The following DPP10 variants were observed in gnomAD, a reference collection of about 807,000 sequenced individuals.
The protein encoded by DPP10 is dipeptidyl peptidase like 10.
In DPP10, 33 loss-of-function variants were observed where a neutral mutation model predicts 120.9. That is an observed-to-expected ratio of 0.27 (90% CI 0.21 to 0.37). DPP10 has a LOEUF of 0.37. Ranked by LOEUF, DPP10 falls within the 10% of genes least tolerant of loss-of-function variation. The pLI is 1.00. For missense variants in DPP10, 816 were observed against 942.8 expected (o/e 0.87, Z 1.76); for synonymous variants, 337 against 326.1 (o/e 1.03, Z -0.36).
chr2:115,105,457 G>GAGAGAGAGAGAGAGA, intron 1 of DPP10, among the ~76,000 whole-genome samples: 1 of 145,460 alleles, frequency 6.9e-6, no homozygotes, highest in African/African-American at 2.6e-5. Context: ...GAGAGAGAGA[G>GAGAGAGAGAGAGAGA]GAGAAGCAGG....
chr2:115,471,038 T>G (rs558266839), intron 3 of DPP10, among the ~76,000 whole-genome samples: 8 of 151,800 alleles, frequency 5.3e-5, no homozygotes, highest in Non-Finnish European at 1.0e-4. Context: ...ATCTTATGAG[T>G]TTTTTTTGTC....
chr2:114,923,724 C>T (rs866990840), intron 1 of DPP10, among the ~76,000 whole-genome samples: 1 of 148,774 alleles, frequency 6.7e-6, no homozygotes, highest in African/African-American at 2.5e-5. Context: ...CCTTGGCCTC[C>T]CAAAGTGCTG....
At chr2:114,849,811 T>A (rs759543108) in intron 1 of DPP10, among the ~76,000 whole-genome samples, 26 of 152,192 alleles carry the variant, frequency 1.7e-4, no homozygotes, top group Non-Finnish European at 3.7e-4. Context: ...AATCACAACA[T>A]GCCCAGAGTA....
intron 5 of DPP10, among the ~76,000 whole-genome samples, chr2:115,628,433 G>T (rs554471860): frequency 6.6e-6 from 1 of 151,988 alleles, no homozygotes; most frequent in Non-Finnish European, 1.5e-5. Context: ...TTGTCAGATG[G>T]ATAAATTGGA....
chr2:114,765,978 C>G (rs1233754229), intron 1 of DPP10, among the ~76,000 whole-genome samples: 1 of 152,046 alleles, frequency 6.6e-6, no homozygotes. Context: ...CACATTAAAA[C>G]TCAAAGCAAT....
At chr2:115,208,646 G>T (rs1284295700) in intron 1 of DPP10, among the ~76,000 whole-genome samples, 1 of 152,118 alleles carries the variant, frequency 6.6e-6, no homozygotes, top group Non-Finnish European at 1.5e-5. Context: ...TCCAGGGACT[G>T]TAGCAGGTGT....
chr2:114,854,852 G>A (rs760728401), intron 1 of DPP10, among the ~76,000 whole-genome samples: 1 of 152,152 alleles, frequency 6.6e-6, no homozygotes, highest in East Asian at 1.9e-4. Flanking sequence ...AAGTTTAGGA[G>A]TGGATATTTA....
intron 5 of DPP10, among the ~76,000 whole-genome samples, chr2:115,622,290 C>A (rs1489446917): frequency 6.6e-6 from 1 of 152,078 alleles, no homozygotes; most frequent in Non-Finnish European, 1.5e-5. Context: ...AATATATTGT[C>A]TTTTATATCT....
At chr2:114,572,918 A>G (rs1424308494) in intron 1 of DPP10, among the ~76,000 whole-genome samples, 1 of 152,190 alleles carries the variant, frequency 6.6e-6, no homozygotes, top group Non-Finnish European at 1.5e-5. Flanking sequence ...TGTAGAAAAC[A>G]CAGGCGTGGA....
intron 1 of DPP10, among the ~76,000 whole-genome samples, chr2:115,242,828 T>C (rs1301801575): frequency 6.6e-6 from 1 of 152,150 alleles, no homozygotes; most frequent in Non-Finnish European, 1.5e-5. Context: ...GGGGGCCATT[T>C]CTATATTTTC....
chr2:115,591,532 G>A (rs2082663300), intron 5 of DPP10, among the ~76,000 whole-genome samples: 1 of 152,184 alleles, frequency 6.6e-6, no homozygotes, highest in Non-Finnish European at 1.5e-5. Flanking sequence ...TTTGGTACCA[G>A]TACCGTGCTG....
chr2:114,795,656 A>G (rs372629029), intron 1 of DPP10, among the ~76,000 whole-genome samples: 11 of 152,268 alleles, frequency 7.2e-5, no homozygotes, highest in Middle Eastern at 3.4e-3. Flanking sequence ...TTTTTCAATA[A>G]ATATATTTTT....
chr2:115,216,958 A>G (rs186679988), intron 1 of DPP10, among the ~76,000 whole-genome samples: 5 of 152,146 alleles, frequency 3.3e-5, no homozygotes, highest in Non-Finnish European at 7.4e-5. Context: ...CATCAAAAGT[A>G]TACACTACAA....
At chr2:114,506,038 G>T (rs1213486877) in intron 1 of DPP10, among the ~76,000 whole-genome samples, 1 of 152,202 alleles carries the variant, frequency 6.6e-6, no homozygotes, top group Non-Finnish European at 1.5e-5. Context: ...TAGGAGGCAG[G>T]GGAATTCTGG....
At chr2:114,684,349 A>G (rs1441900979) in intron 1 of DPP10, among the ~76,000 whole-genome samples, 9 of 151,968 alleles carry the variant, frequency 5.9e-5, no homozygotes, top group Admixed American at 5.9e-4. Context: ...GCTCAGTGTG[A>G]CATGTTCACC....
chr2:115,473,728 A>G (rs2074886390), intron 3 of DPP10, among the ~76,000 whole-genome samples: 1 of 152,138 alleles, frequency 6.6e-6, no homozygotes, highest in Non-Finnish European at 1.5e-5. Context: ...GAGTTTTAGG[A>G]TTTTATCAAT....
At chr2:114,708,334 C>T (rs1228355203) in intron 1 of DPP10, among the ~76,000 whole-genome samples, 3 of 152,090 alleles carry the variant, frequency 2.0e-5, no homozygotes, top group Non-Finnish European at 4.4e-5. Context: ...TATCCTGTTC[C>T]AGGAGGGATG....
At chr2:115,517,168 G>A (rs1252038285) in intron 4 of DPP10, among the ~76,000 whole-genome samples, 2 of 152,104 alleles carry the variant, frequency 1.3e-5, no homozygotes, top group East Asian at 3.9e-4. Context: ...GAACAGGGAG[G>A]TTTATTCAGT....
At chr2:115,415,536 A>G (rs2069311230) in intron 3 of DPP10, among the ~76,000 whole-genome samples, 1 of 152,096 alleles carries the variant, frequency 6.6e-6, no homozygotes, top group Admixed American at 6.6e-5. Context: ...TTAAGGGCTC[A>G]ATGCCAAAAG....
Sources: allele counts gnomAD v4.1 joint callset (sites outside exome capture counted in the v4.1 genomes callset), GRCh38; gene constraint gnomAD v4.1.1; transcripts MANE v1.5; gene names NCBI Gene and HGNC (gene_info 2026-07-23, HGNC 2026-07-21).